PCDH15: variants seen among roughly 807,000 people sequenced by gnomAD.
PCDH15 encodes protocadherin related 15, also known as protocadherin-15.
PCDH15 carries 129 observed loss-of-function variants against 178.5 expected under a neutral mutation model. The observed-to-expected ratio is 0.72, with a 90% confidence interval of 0.63 to 0.84. The LOEUF is 0.84. Among genes scored for constraint, PCDH15 ranks in the 40% least tolerant of loss-of-function variants. PCDH15 has a pLI of 0.00. For missense variants in PCDH15, 2,230 were observed against 2,099.9 expected (o/e 1.06, Z -1.21); for synonymous variants, 800 against 732.0 (o/e 1.09, Z -1.50).
chr10:53,888,069 A>G (rs947376139), intron 26 of PCDH15, among the ~76,000 whole-genome samples: 1 of 151,726 alleles, frequency 6.6e-6, no homozygotes, highest in Non-Finnish European at 1.5e-5. Context: ...GTTGTAAGAA[A>G]GAAGAGAATA....
chr10:54,083,817 A>T (rs2135988263), intron 16 of PCDH15, among the ~76,000 whole-genome samples: 1 of 152,338 alleles, frequency 6.6e-6, no homozygotes, highest in East Asian at 1.9e-4. Flanking sequence ...TATATTGCAG[A>T]GTATTTTCCA....
intron 27 of PCDH15, among the ~76,000 whole-genome samples, chr10:53,859,643 C>T (rs1004352428): frequency 2.0e-5 from 3 of 151,994 alleles, no homozygotes; most frequent in African/African-American, 7.2e-5. Flanking sequence ...TTCAAATTAT[C>T]TGACTCTTGC....
chr10:54,197,516 G>A (rs1255095549), intron 10 of PCDH15, among the ~76,000 whole-genome samples: 1 of 151,990 alleles, frequency 6.6e-6, no homozygotes, highest in African/African-American at 2.4e-5. Flanking sequence ...GAGAAAAGTT[G>A]TATTTTTAAA....
chr10:55,108,304 A>T (rs1837408383), intron 2 of PCDH15, among the ~76,000 whole-genome samples: 1 of 152,218 alleles, frequency 6.6e-6, no homozygotes, highest in Non-Finnish European at 1.5e-5. Context: ...CTAAGTATGC[A>T]TGTGCTCATT....
chr10:54,134,580 G>C (rs12262042), intron 14 of PCDH15, among the ~76,000 whole-genome samples: 2,335 of 151,140 alleles, frequency 0.015, 74 homozygotes, highest in African/African-American at 0.054. Flanking sequence ...GGTGAAAGCC[G>C]GTCTCTACTA....
intron 6 of PCDH15, among the ~76,000 whole-genome samples, chr10:54,340,399 C>T (rs1942007664): frequency 6.6e-6 from 1 of 152,070 alleles, no homozygotes; most frequent in Non-Finnish European, 1.5e-5. Context: ...TACTTTTCTC[C>T]AGGCAAGAAA....
intron 8 of PCDH15, among the ~76,000 whole-genome samples, chr10:54,305,014 C>T (rs1203549449): frequency 2.0e-5 from 3 of 151,936 alleles, no homozygotes; most frequent in Non-Finnish European, 4.4e-5. Flanking sequence ...AATCATAAAG[C>T]CCAACACTTA....
At chr10:55,331,778 T>C (rs1439789736) in intron 2 of PCDH15, among the ~76,000 whole-genome samples, 1 of 152,024 alleles carries the variant, frequency 6.6e-6, no homozygotes, top group Non-Finnish European at 1.5e-5. Flanking sequence ...AATTCTTGAT[T>C]TGAAAGTTTG....
At chr10:53,821,926 T>G in intron 32 of PCDH15, 1 of 1,613,658 alleles carries the variant, frequency 6.2e-7, no homozygotes, top group Non-Finnish European at 8.5e-7. Flanking sequence ...AAACTCCCCT[T>G]GTTTTGTTCA....
At chr10:53,920,419 T>C (rs2083901096) in intron 25 of PCDH15, among the ~76,000 whole-genome samples, 1 of 151,990 alleles carries the variant, frequency 6.6e-6, no homozygotes, top group Non-Finnish European at 1.5e-5. Context: ...AAGTATATAT[T>C]AGGATATTAC....
intron 1 of PCDH15, among the ~76,000 whole-genome samples, chr10:55,220,121 ATG>A (rs1320340503): frequency 6.6e-6 from 1 of 151,918 alleles, no homozygotes; most frequent in Non-Finnish European, 1.5e-5. Flanking sequence ...TTAAGGCCCT[ATG>A]TCTTATAAAT....
chr10:54,986,849 T>C (rs1839380093), intron 2 of PCDH15, among the ~76,000 whole-genome samples: 1 of 152,188 alleles, frequency 6.6e-6, no homozygotes, highest in Non-Finnish European at 1.5e-5. Flanking sequence ...TTGCCATCCC[T>C]AGAGTTATCA....
intron 1 of PCDH15, among the ~76,000 whole-genome samples, chr10:54,669,531 T>G (rs1337749111): frequency 6.6e-6 from 1 of 151,142 alleles, no homozygotes; most frequent in East Asian, 1.9e-4. Context: ...GATATTGATA[T>G]TATCGCCCAC....
At chr10:55,344,925 A>T (rs1844705902) in intron 2 of PCDH15, among the ~76,000 whole-genome samples, 1 of 152,120 alleles carries the variant, frequency 6.6e-6, no homozygotes, top group South Asian at 2.1e-4. Flanking sequence ...AGCAGTAAGT[A>T]ACATAATGCT....
chr10:54,010,215 C>A (rs566185896), intron 20 of PCDH15, among the ~76,000 whole-genome samples: 16 of 151,568 alleles, frequency 1.1e-4, no homozygotes, highest in Non-Finnish European at 1.6e-4. Context: ...GGGACTAATG[C>A]CGACCCCCAA....
At chr10:54,641,324 C>T (rs1012314173) in intron 2 of PCDH15, among the ~76,000 whole-genome samples, 1 of 152,094 alleles carries the variant, frequency 6.6e-6, no homozygotes, top group Non-Finnish European at 1.5e-5. Context: ...ATCTTGATCA[C>T]AATCACCACT....
rs200840022 is a variant in PCDH15, at chr10:53,828,581, G to C, written c.4203-8C>G. On this transcript the variant is annotated splice_region_variant and splice_polypyrimidine_tract_variant and intron_variant, in intron 30 of 37. Transcript: ENST00000644397. ...TATACTTACACTTTAAACCTGTTTG[G>C]GAAAGCAAGAGTAAGAAAAATAGAA... The C allele has an allele frequency of 4.7e-5, 73 of 1,547,986 alleles. No homozygotes were observed. In the Admixed American group the frequency reaches 5.4e-4, roughly 11 times the overall value.
intron 2 of PCDH15, among the ~76,000 whole-genome samples, chr10:54,579,442 T>C (rs930025364): frequency 6.6e-6 from 1 of 152,144 alleles, no homozygotes; most frequent in Non-Finnish European, 1.5e-5. Context: ...TAGACTTAAC[T>C]ATCTTAAATA....
chr10:54,271,153 T>C (rs2058023322), intron 8 of PCDH15, among the ~76,000 whole-genome samples: 1 of 152,162 alleles, frequency 6.6e-6, no homozygotes, highest in Admixed American at 6.5e-5. Flanking sequence ...TGCCATTGTA[T>C]ATAATTTAAA....
Sources: allele counts gnomAD v4.1 joint callset (sites outside exome capture counted in the v4.1 genomes callset), GRCh38; gene constraint gnomAD v4.1.1; transcripts MANE v1.5; gene names NCBI Gene and HGNC (gene_info 2026-07-23, HGNC 2026-07-21).